LHFPL7: variants seen among roughly 807,000 people sequenced by gnomAD.
The protein encoded by LHFPL7 is LHFPL tetraspan subfamily member 7 protein.
chr22:24,938,973 G>A, the LHFPL7 span, among the ~76,000 whole-genome samples: 1 of 152,216 alleles, frequency 6.6e-6, no homozygotes, highest in Non-Finnish European at 1.5e-5. Context: ...GCATCCTAAA[G>A]AAGGGGCACC....
chr22:24,938,859 G>A, the LHFPL7 span, among the ~76,000 whole-genome samples: 1 of 152,148 alleles, frequency 6.6e-6, no homozygotes, highest in Non-Finnish European at 1.5e-5. Flanking sequence ...GGGTGGCCAG[G>A]TAAGAGCGTG....
At chr22:24,938,023 G>T in the LHFPL7 span, 1 of 1,388,786 alleles carries the variant, frequency 7.2e-7, no homozygotes, top group Non-Finnish European at 9.7e-7. Flanking sequence ...ACAATCCTAG[G>T]GTTTATCTCT....
chr22:24,940,795 T>C, the LHFPL7 span, among the ~76,000 whole-genome samples: 2 of 148,524 alleles, frequency 1.3e-5, no homozygotes, highest in Non-Finnish European at 3.0e-5. Flanking sequence ...CTCTCTTTCT[T>C]TCTTTCAGAG....
chr22:24,942,096 T>C, the LHFPL7 span, among the ~76,000 whole-genome samples: 1 of 151,954 alleles, frequency 6.6e-6, no homozygotes. Context: ...CCCGGGTTCA[T>C]GCCGTTCTCC....
chr22:24,936,590 A>G, the LHFPL7 span, among the ~76,000 whole-genome samples: 1 of 152,228 alleles, frequency 6.6e-6, no homozygotes, highest in African/African-American at 2.4e-5. Context: ...CATAAAAGAA[A>G]TCAGAAGATC....
chr22:24,940,518 C>T, the LHFPL7 span, among the ~76,000 whole-genome samples: 1 of 151,440 alleles, frequency 6.6e-6, no homozygotes. Flanking sequence ...ATGGCGTGAA[C>T]CCGGGAGGCG....
chr22:24,940,669 CCTTCCCTCCTTCCT>C, the LHFPL7 span, among the ~76,000 whole-genome samples: 241 of 125,736 alleles, frequency 1.9e-3, 7 homozygotes, highest in East Asian at 0.048. Flanking sequence ...TTCCTTCCTT[CCTTCCCTCCTTCCT>C]TCTCTCTCCC....
the LHFPL7 span, among the ~76,000 whole-genome samples, chr22:24,946,417 ACC>A: frequency 2.1e-5 from 1 of 46,738 alleles, no homozygotes; most frequent in East Asian, 6.3e-4. Flanking sequence ...GCACCCACCC[ACC>A]CACCCACACA....
the LHFPL7 span, among the ~76,000 whole-genome samples, chr22:24,936,917 C>T: frequency 2.0e-5 from 3 of 152,190 alleles, no homozygotes; most frequent in Non-Finnish European, 2.9e-5. Context: ...CCCCCGCCCC[C>T]CCCGCCGCCC....
chr22:24,941,440 G>A, the LHFPL7 span, among the ~76,000 whole-genome samples: 1 of 152,092 alleles, frequency 6.6e-6, no homozygotes, highest in East Asian at 1.9e-4. Flanking sequence ...TGGATGTCTT[G>A]GTTTGGGTTC....
At chr22:24,941,812 A>G in the LHFPL7 span, among the ~76,000 whole-genome samples, 1 of 151,226 alleles carries the variant, frequency 6.6e-6, no homozygotes, top group East Asian at 2.0e-4. Flanking sequence ...GATTACAGGC[A>G]CAAGCCATCA....
the LHFPL7 span, among the ~76,000 whole-genome samples, chr22:24,942,460 G>C: frequency 6.6e-6 from 1 of 152,156 alleles, no homozygotes; most frequent in Non-Finnish European, 1.5e-5. Context: ...CCTGCCCAAG[G>C]GCACTCAAGG....
At chr22:24,938,422 C>T in the LHFPL7 span, 2 of 1,487,886 alleles carry the variant, frequency 1.3e-6, no homozygotes, top group Non-Finnish European at 1.8e-6. Context: ...GTGGATGCTC[C>T]CCTGCTCATT....
At chr22:24,940,604 A>G in the LHFPL7 span, among the ~76,000 whole-genome samples, 1 of 126,872 alleles carries the variant, frequency 7.9e-6, no homozygotes, top group South Asian at 2.4e-4. Flanking sequence ...TCAAAAAAAA[A>G]AAAATAATAA....
chr22:24,943,467 A>G, the LHFPL7 span, among the ~76,000 whole-genome samples: 1 of 152,196 alleles, frequency 6.6e-6, no homozygotes, highest in Non-Finnish European at 1.5e-5. Context: ...TTTTAATAGC[A>G]GTCAACAATT....
chr22:24,936,346 C>T, the LHFPL7 span, among the ~76,000 whole-genome samples: 2 of 152,128 alleles, frequency 1.3e-5, no homozygotes, highest in Non-Finnish European at 2.9e-5. Flanking sequence ...ATCCTTGCAT[C>T]CATCCATTCA....
chr22:24,941,060 G>T, the LHFPL7 span, among the ~76,000 whole-genome samples: 32 of 147,496 alleles, frequency 2.2e-4, no homozygotes, highest in Middle Eastern at 0.011. Context: ...CAGCCACTTT[G>T]TTTTTTTTTT....
the LHFPL7 span, among the ~76,000 whole-genome samples, chr22:24,936,410 C>G: frequency 5.9e-5 from 9 of 152,202 alleles, no homozygotes; most frequent in Admixed American, 5.9e-4. Flanking sequence ...ACCAATGTAT[C>G]CATCTATTCA....
chr22:24,939,524 A>G, the LHFPL7 span: 2 of 702,962 alleles, frequency 2.8e-6, no homozygotes, highest in Non-Finnish European at 5.2e-6. Context: ...CTACCCACAC[A>G]CTGCTCAACA....
Sources: gnomAD v4.1 joint callset for allele counts (sites outside exome capture counted in the v4.1 genomes callset) on GRCh38, gnomAD v4.1.1 for gene constraint, MANE v1.5 for transcripts, NCBI Gene and HGNC (gene_info 2026-07-23, HGNC 2026-07-21) for gene names.